Variants in FGF12 observed in about 807,000 individuals in gnomAD.
FGF12 encodes fibroblast growth factor 12.
A neutral mutation model predicts 23.6 loss-of-function variants in FGF12; 14 were observed. The ratio of observed to expected loss-of-function variants is 0.59; its 90% CI spans 0.39 to 0.93. The LOEUF (loss-of-function observed/expected upper bound fraction) is 0.93, where lower values mean the gene tolerates loss of function less well. Among genes scored for constraint, FGF12 ranks in the 40% least tolerant of loss-of-function variants. The pLI is 0.00. For synonymous variants in FGF12, 62 were observed against 77.3 expected, an observed-to-expected ratio of 0.80 and a Z score of 1.04; for missense variants, 175 against 217.8, an observed-to-expected ratio of 0.80 and a Z score of 1.24.
intron 2 of FGF12, among the ~76,000 whole-genome samples, chr3:192,414,919 C>T (rs189365841): frequency 2.6e-5 from 4 of 152,210 alleles, no homozygotes; most frequent in Admixed American, 2.0e-4. Flanking sequence ...GGAAGCTACT[C>T]CTGGTTTTAC....
intron 4 of FGF12, among the ~76,000 whole-genome samples, chr3:192,315,767 C>CCTACAGCAAGGCCATAAG (rs548905861): frequency 0.014 from 2,165 of 152,080 alleles, 62 homozygotes; most frequent in African/African-American, 0.049. Context: ...GAACTGATTT[C>CCTACAGCAAGGCCATAAG]CTACAGCAAG....
chr3:192,427,680 G>A (rs546918675), intron 2 of FGF12, among the ~76,000 whole-genome samples: 2 of 152,284 alleles, frequency 1.3e-5, no homozygotes, highest in Non-Finnish European at 2.9e-5. Context: ...GGAAAGATGT[G>A]TAAAGAGACA....
rs1423738741 is a variant in FGF12 at position 192,305,679 on chromosome 3, A to AAATATATATATATATAT, written c.228+29681_228+29682insATATATATATATATATT. ...AAGGTGGCTTAGGAAAAAAAAAAAA[A>AAATATATATATATATAT]ATATATATATATATATAAATATATA... On this transcript the variant is annotated intron_variant, in intron 4 of 5. Transcript: ENST00000445105. 7.1e-3 allele frequency among the ~76,000 whole-genome samples: 937 copies of AAATATATATATATATAT among 131,632 alleles called. 12 individuals are homozygous for AAATATATATATATATAT. The highest frequency in any genetic ancestry group is 0.011 in the Non-Finnish European group (709 of 63,862). 86.4% of individuals were successfully genotyped at this position (131,632 alleles called of 152,430 possible).
At chr3:192,646,616 G>A (rs1716014831) in intron 2 of FGF12, among the ~76,000 whole-genome samples, 1 of 152,152 alleles carries the variant, frequency 6.6e-6, no homozygotes, top group South Asian at 2.1e-4. Context: ...AGATTCAAAA[G>A]GCCACATATT....
intron 2 of FGF12, among the ~76,000 whole-genome samples, chr3:192,596,861 A>G (rs777461821): frequency 3.3e-5 from 5 of 152,230 alleles, no homozygotes; most frequent in Non-Finnish European, 2.9e-5. Context: ...TCAGATAGCA[A>G]GGAGGCTGCT....
chr3:192,710,123 G>A (rs1001313346), intron 2 of FGF12, among the ~76,000 whole-genome samples: 16 of 152,126 alleles, frequency 1.1e-4, no homozygotes, highest in Non-Finnish European at 1.6e-4. Flanking sequence ...TGACCCTTAC[G>A]TCTGACAGCC....
chr3:192,168,537 T>C (rs527384922), intron 5 of FGF12, among the ~76,000 whole-genome samples: 14 of 152,346 alleles, frequency 9.2e-5, no homozygotes, highest in Admixed American at 2.0e-4. Context: ...TGAGTCCCAA[T>C]ATAAATCCTA....
chr3:192,538,326 C>T (rs1036493765), intron 2 of FGF12, among the ~76,000 whole-genome samples: 9 of 152,010 alleles, frequency 5.9e-5, no homozygotes, highest in South Asian at 4.2e-4. Context: ...AGTTCCATTC[C>T]GCTGCGTACA....
chr3:192,163,481 C>CAAT (rs1408786782), intron 5 of FGF12, among the ~76,000 whole-genome samples: 1 of 152,090 alleles, frequency 6.6e-6, no homozygotes, highest in African/African-American at 2.4e-5. Flanking sequence ...ATATTGATCA[C>CAAT]AATAATATGA....
chr3:192,670,680 C>T (rs1412642860), intron 2 of FGF12, among the ~76,000 whole-genome samples: 1 of 152,148 alleles, frequency 6.6e-6, no homozygotes. Flanking sequence ...TACTTGGACT[C>T]ACAAACAGTT....
intron 2 of FGF12, among the ~76,000 whole-genome samples, chr3:192,630,342 C>T (rs933237181): frequency 5.9e-5 from 9 of 151,818 alleles, no homozygotes; most frequent in South Asian, 2.1e-4. Flanking sequence ...TATAGCAATG[C>T]GAGAACAGCC....
chr3:192,268,772 C>T (rs1478562794), intron 4 of FGF12: 1 of 384,744 alleles, frequency 2.6e-6, no homozygotes, highest in Non-Finnish European at 5.3e-6. Context: ...AAACTATTGT[C>T]TTCATAAATT....
At chr3:192,461,315 C>A (rs1722855208) in intron 2 of FGF12, among the ~76,000 whole-genome samples, 2 of 152,240 alleles carry the variant, frequency 1.3e-5, no homozygotes, top group Admixed American at 6.5e-5. Context: ...TAAACAGAAT[C>A]TTCATGGAAC....
chr3:192,467,723 C>T lies in FGF12; in HGVS notation c.14-107185G>A, dbSNP rs1577000644. 4.6e-5 allele frequency among the ~76,000 whole-genome samples: 7 copies of T among 152,266 alleles called. No homozygotes were observed. In the South Asian group the frequency reaches 1.5e-3, roughly 32 times the overall value. On this transcript the variant is annotated intron_variant, in intron 2 of 5. Transcript: ENST00000445105. ...CCGTTTTAAAGATAAAAATACTAGG[C>T]ACATGAAGAACCACTGAATGCCCAA...
chr3:192,491,123 G>T (rs1421555358), intron 2 of FGF12, among the ~76,000 whole-genome samples: 1 of 152,048 alleles, frequency 6.6e-6, no homozygotes, highest in African/African-American at 2.4e-5. Flanking sequence ...CCTTCCTTTG[G>T]TTCCTTCTTC....
chr3:192,279,218 G>T (rs1221929361), intron 4 of FGF12, among the ~76,000 whole-genome samples: 16 of 110,718 alleles, frequency 1.4e-4, no homozygotes, highest in African/African-American at 7.8e-4. Context: ...GTCATGCTTG[G>T]TTAATGTATG....
At chr3:192,666,667 G>A (rs1716882432) in intron 2 of FGF12, among the ~76,000 whole-genome samples, 2 of 152,180 alleles carry the variant, frequency 1.3e-5, no homozygotes, top group Non-Finnish European at 2.9e-5. Context: ...CTTTGTTTAT[G>A]TCTGAGGAAA....
At chr3:192,270,356 T>C (rs1486065013) in intron 4 of FGF12, among the ~76,000 whole-genome samples, 1 of 152,186 alleles carries the variant, frequency 6.6e-6, no homozygotes, top group Non-Finnish European at 1.5e-5. Context: ...AACTGAACTT[T>C]CTTGAAATTC....
At chr3:192,707,991 G>A (rs903106514) in intron 2 of FGF12, among the ~76,000 whole-genome samples, 10 of 151,992 alleles carry the variant, frequency 6.6e-5, no homozygotes, top group South Asian at 4.2e-4. Context: ...ACGGAGTCTC[G>A]CTCTGTCACC....
Sources: allele counts gnomAD v4.1 joint callset (sites outside exome capture counted in the v4.1 genomes callset), GRCh38; gene constraint gnomAD v4.1.1; transcripts MANE v1.5; gene names NCBI Gene and HGNC (gene_info 2026-07-23, HGNC 2026-07-21).